SLC17A3: variants seen among roughly 807,000 people sequenced by gnomAD.
SLC17A3 encodes the protein sodium-dependent phosphate transport protein 4.
Under a neutral mutation model 60.3 loss-of-function variants are expected in SLC17A3, and 61 were observed. The observed-to-expected ratio is 1.01, with a 90% CI of 0.82 to 1.25. SLC17A3 has a LOEUF of 1.25. Among genes scored for constraint, SLC17A3 ranks in the 50% most tolerant of loss-of-function variants. The pLI, the probability that SLC17A3 is intolerant of heterozygous loss-of-function variation, is 0.00. For synonymous variants in SLC17A3, 192 were observed against 208.9 expected, an observed-to-expected ratio of 0.92 and a Z score of 0.70; for missense variants, 624 against 594.9, an observed-to-expected ratio of 1.05 and a Z score of -0.51.
intron 1 of SLC17A3, among the ~76,000 whole-genome samples, chr6:25,871,974 T>G (rs1344935817): frequency 6.6e-6 from 1 of 152,000 alleles, no homozygotes; most frequent in African/African-American, 2.4e-5. Context: ...GAAAGAATAG[T>G]GCACAGTAGG....
Position 25,855,696 on chromosome 6 carries a change from T to C in SLC17A3, c.626-466A>G, listed in dbSNP as rs75443546. Among the ~76,000 whole-genome samples, 70 of 152,358 alleles carry C rather than the reference T, an allele frequency of 4.6e-4. No homozygotes were observed. The East Asian group carries it at 0.011, about 24-fold the overall frequency. On this transcript the variant is annotated intron_variant, in intron 5 of 12. Transcript: ENST00000397060. ...CTCTTGGTAAATGCATTACGTAATATGTAGACAGAAAGCTAGATTTTTCTA... is the reference window on the plus strand; with the variant it reads ...CTCTTGGTAAATGCATTACGTAATACGTAGACAGAAAGCTAGATTTTTCTA...
At chr6:25,867,364 A>T (rs1765553999) in intron 2 of SLC17A3, among the ~76,000 whole-genome samples, 1 of 151,910 alleles carries the variant, frequency 6.6e-6, no homozygotes, top group Non-Finnish European at 1.5e-5. Flanking sequence ...TCTTCTGCTC[A>T]AAATCCTCCC....
intron 9 of SLC17A3, 31 bp downstream of exon 9, chr6:25,850,017 A>C: frequency 6.2e-7 from 1 of 1,614,002 alleles, no homozygotes; most frequent in Non-Finnish European, 8.5e-7. Context: ...TATGCTACGC[A>C]AATTATCTGA....
chr6:25,854,650 T>C (rs1254296543), intron 6 of SLC17A3, among the ~76,000 whole-genome samples: 1 of 152,208 alleles, frequency 6.6e-6, no homozygotes, highest in Non-Finnish European at 1.5e-5. Flanking sequence ...CAATTTCTAA[T>C]AACTAAATGG....
At chr6:25,853,090 C>A (rs1765305154) in intron 6 of SLC17A3, among the ~76,000 whole-genome samples, 1 of 152,160 alleles carries the variant, frequency 6.6e-6, no homozygotes. Flanking sequence ...AGTATTCCAT[C>A]CAGTGACCCA....
At chr6:25,851,241 A>AT (rs35205418) in intron 6 of SLC17A3, among the ~76,000 whole-genome samples, 5,618 of 139,540 alleles carry the variant, frequency 0.04, 273 homozygotes, top group African/African-American at 0.12. Flanking sequence ...TCTTTGCCCA[A>AT]TTTTTTTTTT....
At chr6:25,862,061 T>C in intron 3 of SLC17A3, 32 bp from the exon 4 acceptor site, 1 of 1,540,350 alleles carries the variant, frequency 6.5e-7, no homozygotes, top group South Asian at 1.2e-5. Flanking sequence ...GTAGTAAACC[T>C]TACACAAAAA....
At chr6:25,869,226 A>G (rs1320413893) in intron 1 of SLC17A3, among the ~76,000 whole-genome samples, 3 of 151,984 alleles carry the variant, frequency 2.0e-5, no homozygotes, top group African/African-American at 7.2e-5. Context: ...GGAGATTTTT[A>G]TGTGTTACTA....
At chr6:25,869,185 A>G (rs369900432) in intron 1 of SLC17A3, among the ~76,000 whole-genome samples, 17 of 152,102 alleles carry the variant, frequency 1.1e-4, no homozygotes, top group East Asian at 7.8e-4. Context: ...AACCATTACT[A>G]CATTACAATA....
At chr6:25,855,356 C>G in intron 5 of SLC17A3, 126 bp from the exon 6 acceptor site, 1 of 675,888 alleles carries the variant, frequency 1.5e-6, no homozygotes, top group South Asian at 1.7e-5. Context: ...TATTAGAATG[C>G]ACAAACTTCA....
chr6:25,872,806 G>A (rs559340389), intron 1 of SLC17A3, among the ~76,000 whole-genome samples: 4 of 151,818 alleles, frequency 2.6e-5, no homozygotes, highest in African/African-American at 7.2e-5. Context: ...ACAGGTCAAC[G>A]TCCCCTGATT....
At position 25,868,421 on chromosome 6, in the gene SLC17A3, C is replaced by A. The variant is rs1354105140; in HGVS notation, c.-33-1G>T. Reference sequence around the variant, plus strand: ...TCCTCTCCTAGTGAATGGTTTTCACCTATCAGGGAGATATGTAATTCACAT... The same window carrying A: ...TCCTCTCCTAGTGAATGGTTTTCACATATCAGGGAGATATGTAATTCACAT... On this transcript the variant is annotated splice_acceptor_variant, in intron 1 of 12. Coordinates refer to ENST00000397060, the MANE Select transcript of SLC17A3 (RefSeq NM_001098486.2). LOFTEE classifies it low-confidence loss of function (5UTR_SPLICE). 1.3e-6 allele frequency: 2 copies of A among 1,537,014 alleles called. No homozygotes were observed. The highest frequency in any genetic ancestry group is 1.8e-6 in the Non-Finnish European group (2 of 1,110,838).
intron 1 of SLC17A3, 50 bp from the exon 2 acceptor site, chr6:25,868,470 C>T (rs1056958586): frequency 2.8e-5 from 34 of 1,202,004 alleles, no homozygotes; most frequent in Non-Finnish European, 4.0e-5. Context: ...GAAAGAGACT[C>T]CCCGTTGAAA....
chr6:25,872,640 A>T (rs1391797812), intron 1 of SLC17A3, among the ~76,000 whole-genome samples: 1 of 150,852 alleles, frequency 6.6e-6, no homozygotes, highest in African/African-American at 2.4e-5. Context: ...ACCCTGAAAC[A>T]TGAGTCAGAC....
intron 10 of SLC17A3, 118 bp downstream of exon 10, chr6:25,849,687 T>A (rs1454850569): frequency 2.5e-6 from 3 of 1,212,062 alleles, no homozygotes; most frequent in African/African-American, 3.0e-5. Flanking sequence ...CGGCCACAGG[T>A]CTATCTGTGG....
chr6:25,860,406 T>C (rs1765427667), intron 5 of SLC17A3, among the ~76,000 whole-genome samples: 1 of 152,072 alleles, frequency 6.6e-6, no homozygotes, highest in South Asian at 2.1e-4. Flanking sequence ...AGCAATTCCA[T>C]CCACCAGTAC....
At position 25,874,230 on chromosome 6, in the gene SLC17A3, G is replaced by A. The variant is rs901486039; in HGVS notation, c.-97C>T. On this transcript the variant is annotated 5_prime_UTR_variant, in exon 1 of 13. Coordinates refer to ENST00000397060, the MANE Select transcript of SLC17A3 (RefSeq NM_001098486.2). Reference sequence around the variant, plus strand: ...GCGTTTCCTCCAAGCTTACTCCCTTGGACTTTTTGGAGCAGAGAGATGAGG... The same window carrying A: ...GCGTTTCCTCCAAGCTTACTCCCTTAGACTTTTTGGAGCAGAGAGATGAGG... 2.0e-5 allele frequency: 3 copies of A among 152,022 alleles called. No individual in the cohort carries two copies. The highest frequency in any genetic ancestry group is 7.2e-5 in the African/African-American group (3 of 41,396). 9.4% of individuals were successfully genotyped at this position (152,022 alleles called of 1,614,324 possible). A position where few individuals can be genotyped will look rare whatever the true frequency, so the allele number is the denominator to read the frequency against.
intron 2 of SLC17A3, among the ~76,000 whole-genome samples, chr6:25,866,910 T>C (rs939976829): frequency 6.6e-6 from 1 of 151,942 alleles, no homozygotes; most frequent in African/African-American, 2.4e-5. Context: ...AAAGCATAGA[T>C]ATAATACAAT....
intron 2 of SLC17A3, among the ~76,000 whole-genome samples, chr6:25,865,979 A>C (rs1765527849): frequency 6.6e-6 from 1 of 152,044 alleles, no homozygotes; most frequent in African/African-American, 2.4e-5. Context: ...TACTGTACTC[A>C]GAATCCAGAA....
Sources: gnomAD v4.1 joint callset for allele counts (sites outside exome capture counted in the v4.1 genomes callset) on GRCh38, gnomAD v4.1.1 for gene constraint, MANE v1.5 for transcripts, NCBI Gene and HGNC (gene_info 2026-07-23, HGNC 2026-07-21) for gene names.